The following AFG2A variants were observed in gnomAD, a reference collection of about 807,000 sequenced individuals.
The protein encoded by AFG2A is AAA ATPase AFG2A.
At chr4:123,008,869 CT>C in the AFG2A span, among the ~76,000 whole-genome samples, 1 of 152,156 alleles carries the variant, frequency 6.6e-6, no homozygotes, top group African/African-American at 2.4e-5. Context: ...ATAAAGTTTT[CT>C]TTAATGTCCT....
the AFG2A span, among the ~76,000 whole-genome samples, chr4:122,985,292 G>A: frequency 6.6e-6 from 1 of 151,884 alleles, no homozygotes; most frequent in Non-Finnish European, 1.5e-5. Flanking sequence ...ATCACGCCTG[G>A]CTAATTTCGT....
At chr4:123,247,220 C>CATGCGTGT in the AFG2A span, among the ~76,000 whole-genome samples, 2 of 93,728 alleles carry the variant, frequency 2.1e-5, no homozygotes, top group African/African-American at 2.9e-5. Context: ...TGCTTACTTG[C>CATGCGTGT]GTGCGTGTGT....
chr4:122,962,470 G>C, the AFG2A span, among the ~76,000 whole-genome samples: 1 of 152,154 alleles, frequency 6.6e-6, no homozygotes, highest in African/African-American at 2.4e-5. Context: ...ATTTTTATCA[G>C]TGAAGTGGGT....
chr4:123,182,190 A>AGTC, the AFG2A span, among the ~76,000 whole-genome samples: 3 of 152,216 alleles, frequency 2.0e-5, no homozygotes, highest in Admixed American at 6.5e-5. Flanking sequence ...CATCATTAGG[A>AGTC]GTCATTCTTT....
At chr4:122,963,098 G>T in the AFG2A span, among the ~76,000 whole-genome samples, 20 of 152,286 alleles carry the variant, frequency 1.3e-4, no homozygotes, top group African/African-American at 4.6e-4. Context: ...TTCACTCATT[G>T]AGCCAGGTAC....
chr4:123,235,502 T>C, the AFG2A span, among the ~76,000 whole-genome samples: 1 of 152,144 alleles, frequency 6.6e-6, no homozygotes, highest in Non-Finnish European at 1.5e-5. Context: ...GATGAACATG[T>C]ATTGAAGAAG....
At chr4:123,111,805 C>A in the AFG2A span, among the ~76,000 whole-genome samples, 1 of 152,100 alleles carries the variant, frequency 6.6e-6, no homozygotes, top group South Asian at 2.1e-4. Flanking sequence ...GGCATGATCT[C>A]TGCTCATTGC....
the AFG2A span, among the ~76,000 whole-genome samples, chr4:122,937,838 G>A: frequency 6.6e-6 from 1 of 152,114 alleles, no homozygotes; most frequent in Admixed American, 6.6e-5. Context: ...ACAACTTAAT[G>A]GGCATTACTG....
At chr4:122,933,985 C>G in the AFG2A span, 3 of 1,202,656 alleles carry the variant, frequency 2.5e-6, no homozygotes, top group East Asian at 7.9e-5. Flanking sequence ...TTTATTAATA[C>G]TCTGTCTTTG....
At chr4:123,089,800 C>T in the AFG2A span, among the ~76,000 whole-genome samples, 1 of 152,064 alleles carries the variant, frequency 6.6e-6, no homozygotes, top group African/African-American at 2.4e-5. Context: ...GTTGGCCAGG[C>T]TGGTCTTGAA....
At chr4:122,942,522 CTT>C in the AFG2A span, among the ~76,000 whole-genome samples, 2 of 152,064 alleles carry the variant, frequency 1.3e-5, no homozygotes, top group South Asian at 4.1e-4. Flanking sequence ...ATTCTTCTCT[CTT>C]TTTTTCTTTA....
the AFG2A span, among the ~76,000 whole-genome samples, chr4:123,173,667 T>G: frequency 6.6e-6 from 1 of 152,110 alleles, no homozygotes; most frequent in African/African-American, 2.4e-5. Flanking sequence ...AATTTTTTAA[T>G]ATAGTATTTT....
At chr4:123,210,288 A>T in the AFG2A span, among the ~76,000 whole-genome samples, 1 of 152,210 alleles carries the variant, frequency 6.6e-6, no homozygotes. Flanking sequence ...TGTAGTCATC[A>T]TGACATACAA....
At chr4:123,085,561 A>AT in the AFG2A span, among the ~76,000 whole-genome samples, 2 of 151,542 alleles carry the variant, frequency 1.3e-5, no homozygotes, top group African/African-American at 2.4e-5. Flanking sequence ...GTCTCTCTTC[A>AT]TTTTTTTTAC....
At chr4:123,001,640 G>T in the AFG2A span, among the ~76,000 whole-genome samples, 2 of 151,522 alleles carry the variant, frequency 1.3e-5, no homozygotes, top group African/African-American at 4.9e-5. Context: ...ATCCTGAGTT[G>T]TAGTTTGATT....
At chr4:122,997,627 CT>C in the AFG2A span, among the ~76,000 whole-genome samples, 1 of 152,092 alleles carries the variant, frequency 6.6e-6, no homozygotes, top group Non-Finnish European at 1.5e-5. Context: ...CGTGTGAATA[CT>C]TGCTTTTAAT....
the AFG2A span, among the ~76,000 whole-genome samples, chr4:123,051,727 G>A: frequency 4.4e-5 from 6 of 137,374 alleles, no homozygotes; most frequent in East Asian, 2.1e-4. Flanking sequence ...ACTATTCTTC[G>A]TTAAGTTTTT....
chr4:123,246,637 G>C, the AFG2A span, among the ~76,000 whole-genome samples: 73 of 152,136 alleles, frequency 4.8e-4, no homozygotes, highest in African/African-American at 1.7e-3. Context: ...TGATACCACT[G>C]TCTGACTGCC....
the AFG2A span, among the ~76,000 whole-genome samples, chr4:123,079,094 GTCT>G: frequency 5.0e-4 from 76 of 152,220 alleles, no homozygotes; most frequent in Non-Finnish European, 9.0e-4. Context: ...AATAGGGACA[GTCT>G]TCTTTAATCT....
Sources: allele counts gnomAD v4.1 joint callset (sites outside exome capture counted in the v4.1 genomes callset), GRCh38; gene constraint gnomAD v4.1.1; transcripts MANE v1.5; gene names NCBI Gene and HGNC (gene_info 2026-07-23, HGNC 2026-07-21).